FAM228A: variants seen among roughly 807,000 people sequenced by gnomAD.
The protein encoded by FAM228A is protein FAM228A.
Under a neutral mutation model 18.6 loss-of-function variants are expected in FAM228A, and 13 were observed. That is an observed-to-expected ratio of 0.70 (90% CI 0.45 to 1.11). The LOEUF (loss-of-function observed/expected upper bound fraction) is 1.11. Among genes scored for constraint, FAM228A ranks in the 50% least tolerant of loss-of-function variants. FAM228A has a pLI of 0.00. For synonymous variants in FAM228A, 77 were observed against 86.6 expected (o/e 0.89, Z 0.61); for missense variants, 240 against 242.2 (o/e 0.99, Z 0.06).
In FAM228A at chr2:24,190,611, C is replaced by T; in HGVS notation, c.601C>T (p.His201Tyr). 6.4e-7 allele frequency: 1 copy of T among 1,560,856 alleles called. No individual in the cohort carries two copies. Among genetic ancestry groups the T allele is most frequent in the East Asian group, 2.3e-5 (1 of 44,270 alleles). Residue 201 changes from histidine to tyrosine, a missense_variant, in exon 6 of 6, where the codon CAC (histidine) becomes TAC (tyrosine). His to Tyr is a moderately conservative substitution (Grantham distance 83). Coordinates refer to ENST00000295150, the MANE Select transcript of FAM228A (RefSeq NM_001040710.3). ...HAGLCSTHEQ[H>Y]ILVPE is the part of the protein sequence containing the mutation. ...AGGGCTTTGCAGCACCCACGAGCAG[C>T]ACATACTGGTTCCAGAATGAGCCAC...
chr2:24,182,847 C>T (rs1667847365), intron 3 of FAM228A, among the ~76,000 whole-genome samples: 1 of 152,140 alleles, frequency 6.6e-6, no homozygotes, highest in Non-Finnish European at 1.5e-5. Context: ...AAGTGCGTCT[C>T]TTCTATCTGG....
intron 5 of FAM228A, among the ~76,000 whole-genome samples, chr2:24,189,618 A>G (rs1305229685): frequency 6.6e-6 from 1 of 152,156 alleles, no homozygotes; most frequent in Non-Finnish European, 1.5e-5. Flanking sequence ...TGAATGAATT[A>G]ATGGAGGAAG....
At chr2:24,179,028 AT>A (rs374697233) in intron 3 of FAM228A, 214 of 514,798 alleles carry the variant, frequency 4.2e-4, no homozygotes, top group Non-Finnish European at 4.8e-4. Context: ...GAGAGAACAA[AT>A]TTTTTTTTCC....
In FAM228A at chr2:24,187,769, A is replaced by C. The variant is rs80097321; in HGVS notation, c.402-2643A>C. On this transcript the variant is annotated intron_variant, in intron 5 of 5. Transcript: ENST00000295150. ...AGGTTGGCAGTTATTTTCTTTCAACATATATCTTGTTGTCTTTTACTCTTT... is the reference window on the plus strand; with the variant it reads ...AGGTTGGCAGTTATTTTCTTTCAACCTATATCTTGTTGTCTTTTACTCTTT... Among the ~76,000 whole-genome samples the C allele has an allele frequency of 3.8e-3, 586 of 152,302 alleles. 5 individuals are homozygous for C. The highest frequency in any genetic ancestry group is 0.014 in the African/African-American group (575 of 41,562).
At chr2:24,190,087 C>T (rs996186146) in intron 5 of FAM228A, among the ~76,000 whole-genome samples, 1 of 152,160 alleles carries the variant, frequency 6.6e-6, no homozygotes, top group Non-Finnish European at 1.5e-5. Context: ...GTGGAGGCGC[C>T]GTTCTGCCTG....
intron 3 of FAM228A, among the ~76,000 whole-genome samples, chr2:24,180,686 G>A (rs954655235): frequency 5.3e-5 from 8 of 152,134 alleles, no homozygotes; most frequent in Non-Finnish European, 7.3e-5. Context: ...CAGTAAAGTC[G>A]TTGTGAATCA....
At chr2:24,180,884 G>A (rs58971404) in intron 3 of FAM228A, among the ~76,000 whole-genome samples, 26,320 of 152,078 alleles carry the variant, frequency 0.17, 2,894 homozygotes, top group Non-Finnish European at 0.25. Flanking sequence ...CCACTTTATA[G>A]GAAGAAAACT....
At position 24,190,992 on chromosome 2, in the gene FAM228A, C is replaced by T. The variant is rs957003509; in HGVS notation, c.*361C>T. On this transcript the variant is annotated 3_prime_UTR_variant, in exon 6 of 6. Transcript: ENST00000295150. ...CAAACTGCACCAAAGATGGTGTTCT[C>T]CTTAGTCCACACACAACTGGTGGGA... The T allele has an allele frequency of 2.9e-6, 3 of 1,026,104 alleles. No individual in the cohort carries two copies. The highest frequency in any genetic ancestry group is 3.4e-5 in the African/African-American group (2 of 58,800). 63.6% of individuals were successfully genotyped at this position (1,026,104 alleles called of 1,614,324 possible). A position where few individuals can be genotyped will look rare whatever the true frequency, so the allele number is the denominator to read the frequency against.
chr2:24,175,728 GAGAGTGTGGCCA>G (rs930606262), intron 2 of FAM228A, 155 bp downstream of exon 2: 1 of 760,172 alleles, frequency 1.3e-6, no homozygotes, highest in African/African-American at 1.8e-5. Context: ...AGATTTGGCC[GAGAGTGTGGCCA>G]AGAGTGTTTC....
chr2:24,177,677 T>C, intron 2 of FAM228A, 125 bp from the exon 3 acceptor site: 2 of 559,270 alleles, frequency 3.6e-6, no homozygotes, highest in Non-Finnish European at 6.2e-6. Flanking sequence ...AAATTTTCCA[T>C]ATTTTTATGT....
intron 3 of FAM228A, among the ~76,000 whole-genome samples, chr2:24,179,963 G>C (rs1260062735): frequency 6.6e-6 from 1 of 152,142 alleles, no homozygotes; most frequent in Non-Finnish European, 1.5e-5. Flanking sequence ...CCAACCAGTA[G>C]GTATTAGGAC....
chr2:24,185,452 A>C (rs1047142692), intron 5 of FAM228A, among the ~76,000 whole-genome samples: 2 of 152,222 alleles, frequency 1.3e-5, no homozygotes, highest in East Asian at 3.8e-4. Context: ...ACACACATAC[A>C]AACAAATAAA....
At chr2:24,188,064 C>T (rs967735173) in intron 5 of FAM228A, among the ~76,000 whole-genome samples, 1 of 152,046 alleles carries the variant, frequency 6.6e-6, no homozygotes, top group Non-Finnish European at 1.5e-5. Flanking sequence ...TTGGGTACTC[C>T]AGTTAAACAT....
chr2:24,178,022 G>C, intron 3 of FAM228A, 152 bp downstream of exon 3: 1 of 545,802 alleles, frequency 1.8e-6, no homozygotes. Flanking sequence ...TGTACTACAT[G>C]CATCTGAGGC....
intron 3 of FAM228A, chr2:24,179,046 C>A: frequency 1.4e-6 from 1 of 718,614 alleles, no homozygotes; most frequent in Non-Finnish European, 1.8e-6. Flanking sequence ...TTCCCCCTTA[C>A]TCGAATGATA....
In FAM228A at chr2:24,191,178, C is replaced by T. The variant is rs1470634175; in HGVS notation, c.*547C>T. 2 of 985,588 alleles carry T rather than the reference C, an allele frequency of 2.0e-6. No homozygotes were observed. The highest frequency in any genetic ancestry group is 2.4e-6 in the Non-Finnish European group (2 of 830,140). The allele number at this position is 985,588 out of a possible 1,614,324, so 61.1% of individuals were successfully genotyped here. On this transcript the variant is annotated 3_prime_UTR_variant, in exon 6 of 6. Transcript: ENST00000295150. The stretch of plus-strand genomic sequence containing the variant: ...TTCAGCTCCTGGTCTATTTCCCCTT[C>T]CATTCTCTCCGCCACGCCCTGTGCC...
intron 3 of FAM228A, among the ~76,000 whole-genome samples, chr2:24,180,135 T>C (rs1272604229): frequency 6.6e-6 from 1 of 151,754 alleles, no homozygotes; most frequent in Non-Finnish European, 1.5e-5. Flanking sequence ...TACTGGATCT[T>C]TCTTACCCCC....
rs562453193 is a variant in FAM228A, at chr2:24,188,537, G to A, written c.402-1875G>A. On this transcript the variant is annotated intron_variant, in intron 5 of 5. Transcript: ENST00000295150. ...TGCCTCTTAGCGGGAGGGTGATGTT[G>A]AGAACAAGGTTAAATACCCACCTGT... 26 of 985,298 alleles carry A rather than the reference G, an allele frequency of 2.6e-5. No homozygotes were observed. The African/African-American group carries it at 3.0e-4, about 11-fold the overall frequency. The allele number at this position is 985,298 out of a possible 1,614,324, so 61.0% of individuals were successfully genotyped here. A position where few individuals can be genotyped will look rare whatever the true frequency, so the allele number is the denominator to read the frequency against.
chr2:24,186,470 G>GT (rs1423938942), intron 5 of FAM228A, among the ~76,000 whole-genome samples: 8 of 151,870 alleles, frequency 5.3e-5, no homozygotes. Context: ...AGCTTTTGGT[G>GT]TTTTTTGTGT....
Sources: gnomAD v4.1 joint callset for allele counts (sites outside exome capture counted in the v4.1 genomes callset) on GRCh38, gnomAD v4.1.1 for gene constraint, MANE v1.5 for transcripts, NCBI Gene and HGNC (gene_info 2026-07-23, HGNC 2026-07-21) for gene names.